RGS7: variants seen among roughly 807,000 people sequenced by gnomAD.
The protein encoded by RGS7 is regulator of G protein signaling 7.
RGS7 carries 27 observed loss-of-function variants against 81.1 expected under a neutral mutation model. The ratio of observed to expected loss-of-function variants is 0.33; its 90% CI spans 0.25 to 0.46. The LOEUF (loss-of-function observed/expected upper bound fraction) is 0.46. Among genes scored for constraint, RGS7 ranks in the 20% least tolerant of loss-of-function variants. The probability of loss-of-function intolerance (pLI) is 1.00; values close to 1 mark genes in which losing one functional copy is unlikely to be tolerated. For missense variants in RGS7, 396 were observed against 607.4 expected (o/e 0.65, Z 3.66); for synonymous variants, 208 against 207.7 (o/e 1.00, Z -0.01).
chr1:240,801,201 T>C (rs943270256), intron 17 of RGS7, among the ~76,000 whole-genome samples: 1 of 152,196 alleles, frequency 6.6e-6, no homozygotes, highest in African/African-American at 2.4e-5. Context: ...CTTCCTTTTA[T>C]ATGTTGTAAT....
At chr1:241,211,075 G>T (rs1043305937) in intron 2 of RGS7, among the ~76,000 whole-genome samples, 8 of 152,058 alleles carry the variant, frequency 5.3e-5, no homozygotes, top group Non-Finnish European at 1.0e-4. Context: ...ACCTGAGGTG[G>T]GGAGTTCAAA....
intron 3 of RGS7, among the ~76,000 whole-genome samples, chr1:241,079,158 G>T (rs901414593): frequency 6.6e-6 from 1 of 152,124 alleles, no homozygotes; most frequent in African/African-American, 2.4e-5. Context: ...AGATAAAAGC[G>T]ATGTGCAGCA....
In RGS7 at chr1:241,076,195, C is replaced by T. The variant is rs367967818; in HGVS notation, c.175+22471G>A. Among the ~76,000 whole-genome samples, 147 of 152,128 alleles carry T rather than the reference C, an allele frequency of 9.7e-4. 1 individual carries two copies. The highest frequency in any genetic ancestry group is 3.3e-3 in the African/African-American group (137 of 41,526). Reference sequence around the variant, plus strand: ...CTTATTCTCTTTGATTCAGGTTTTACGTTTCTCGAATGGAGCCTCTTCTAG... The same window carrying T: ...CTTATTCTCTTTGATTCAGGTTTTATGTTTCTCGAATGGAGCCTCTTCTAG... On this transcript the variant is annotated intron_variant, in intron 3 of 18. Coordinates refer to ENST00000440928, the MANE Select transcript of RGS7 (RefSeq NM_001364886.1).
intron 6 of RGS7, among the ~76,000 whole-genome samples, chr1:240,873,679 T>G (rs1346569522): frequency 6.6e-6 from 1 of 152,180 alleles, no homozygotes; most frequent in East Asian, 1.9e-4. Context: ...ACAACACTGA[T>G]GCCCATGACA....
intron 6 of RGS7, among the ~76,000 whole-genome samples, chr1:240,897,904 T>A (rs182947087): frequency 6.6e-6 from 1 of 152,302 alleles, no homozygotes; most frequent in Admixed American, 6.5e-5. Flanking sequence ...TGTGAATCCG[T>A]CTGGTACCGG....
intron 3 of RGS7, among the ~76,000 whole-genome samples, chr1:241,038,568 T>C (rs2060447637): frequency 6.6e-6 from 1 of 152,180 alleles, no homozygotes; most frequent in African/African-American, 2.4e-5. Flanking sequence ...CATCAGAAAT[T>C]CCTAAGTTCT....
chr1:241,154,504 A>G (rs963518647), intron 2 of RGS7, among the ~76,000 whole-genome samples: 1 of 152,230 alleles, frequency 6.6e-6, no homozygotes, highest in Non-Finnish European at 1.5e-5. Context: ...CTGAAATGAA[A>G]GAAAAGGCCA....
intron 2 of RGS7, among the ~76,000 whole-genome samples, chr1:241,127,672 C>A (rs144208680): frequency 0.092 from 13,990 of 151,808 alleles, 823 homozygotes; most frequent in East Asian, 0.17. Context: ...TGCACATGTA[C>A]CCTAAAACTT....
intron 9 of RGS7, among the ~76,000 whole-genome samples, chr1:240,837,959 T>G (rs1318216892): frequency 6.6e-6 from 1 of 152,218 alleles, no homozygotes; most frequent in East Asian, 1.9e-4. Context: ...AACCTTGAAT[T>G]ACAATAGCTG....
At chr1:240,822,582 T>C (rs1340677610) in intron 10 of RGS7, among the ~76,000 whole-genome samples, 2 of 152,236 alleles carry the variant, frequency 1.3e-5, no homozygotes, top group Non-Finnish European at 2.9e-5. Context: ...TAAGCCTTCT[T>C]TGTTTAGAAG....
chr1:240,898,291 G>C (rs1669426089), intron 6 of RGS7, among the ~76,000 whole-genome samples: 1 of 152,058 alleles, frequency 6.6e-6, no homozygotes, highest in East Asian at 1.9e-4. Context: ...CTTCAGTTCT[G>C]CTCGGATCTT....
chr1:241,315,768 T>A (rs1307411699), intron 2 of RGS7, among the ~76,000 whole-genome samples: 1 of 152,240 alleles, frequency 6.6e-6, no homozygotes, highest in African/African-American at 2.4e-5. Context: ...CATCCTCGTC[T>A]TTTTTTCTGA....
At chr1:241,110,678 C>G (rs932871981) in intron 2 of RGS7, among the ~76,000 whole-genome samples, 2 of 147,946 alleles carry the variant, frequency 1.4e-5, no homozygotes, top group Admixed American at 1.3e-4. Context: ...ATTATTGAGA[C>G]AGGGTCTCAC....
intron 4 of RGS7, among the ~76,000 whole-genome samples, chr1:240,957,425 A>C (rs1477301169): frequency 6.6e-6 from 1 of 152,170 alleles, no homozygotes; most frequent in African/African-American, 2.4e-5. Flanking sequence ...CTCACCTTGC[A>C]GATGGCCTAT....
At chr1:240,776,382 C>A (rs1682936350) in intron 18 of RGS7, among the ~76,000 whole-genome samples, 169 bp from the exon 19 acceptor site, 1 of 150,910 alleles carries the variant, frequency 6.6e-6, no homozygotes, top group African/African-American at 2.4e-5. Flanking sequence ...CTTCCCCCCT[C>A]CCTCCCTCCA....
intron 4 of RGS7, 149 bp from the exon 5 acceptor site, chr1:240,936,855 C>G: frequency 1.5e-6 from 1 of 666,720 alleles, no homozygotes; most frequent in East Asian, 2.8e-5. Context: ...TCTTTGCTCT[C>G]GAGATAAACT....
At chr1:240,860,271 T>C (rs1289078357) in intron 9 of RGS7, among the ~76,000 whole-genome samples, 3 of 152,156 alleles carry the variant, frequency 2.0e-5, no homozygotes, top group African/African-American at 7.2e-5. Context: ...ATTTTCTGCC[T>C]GCTTGAACTG....
intron 2 of RGS7, among the ~76,000 whole-genome samples, chr1:241,252,414 C>A (rs1418514850): frequency 6.6e-6 from 1 of 152,176 alleles, no homozygotes; most frequent in Non-Finnish European, 1.5e-5. Context: ...CTACCATGAG[C>A]CAGAGCCCAT....
chr1:240,916,947 A>G (rs532292202), intron 6 of RGS7, among the ~76,000 whole-genome samples: 172 of 152,374 alleles, frequency 1.1e-3, no homozygotes, highest in African/African-American at 4.0e-3. Context: ...AACCACAGAC[A>G]TATCACATTT....
Sources: gnomAD v4.1 joint callset for allele counts (sites outside exome capture counted in the v4.1 genomes callset) on GRCh38, gnomAD v4.1.1 for gene constraint, MANE v1.5 for transcripts, NCBI Gene and HGNC (gene_info 2026-07-23, HGNC 2026-07-21) for gene names.